The following DMD variants were observed in gnomAD, a reference collection of about 807,000 sequenced individuals.
DMD encodes mutant dystrophin.
Under a neutral mutation model 330.1 loss-of-function variants are expected in DMD, and 63 were observed. The observed-to-expected ratio is 0.19, with a 90% CI of 0.16 to 0.24. The LOEUF is 0.24. DMD is among the 10% of genes least tolerant of loss of function. DMD has a pLI of 1.00. For synonymous variants in DMD, 1,223 were observed against 959.8 expected (o/e 1.27, Z -5.07); for missense variants, 3,344 against 2,684.1 (o/e 1.25, Z -5.43).
intron 13 of DMD, among the ~76,000 whole-genome samples, chrX:32,587,359 A>T (rs928928353): frequency 1.1e-4 from 12 of 112,179 alleles, no homozygotes; most frequent in Non-Finnish European, 2.3e-4. Flanking sequence ...GTCCAAAGAG[A>T]TGTTACCATT....
At chrX:32,218,613 A>C (rs771153734) in intron 43 of DMD, among the ~76,000 whole-genome samples, 35 of 112,379 alleles carry the variant, frequency 3.1e-4, no homozygotes, top group African/African-American at 9.7e-4. Context: ...GGGCAGAGAA[A>C]GGAATTAACA....
At chrX:31,243,016 C>CA (rs1176119825) in intron 63 of DMD, among the ~76,000 whole-genome samples, 1 of 111,617 alleles carries the variant, frequency 9.0e-6, no homozygotes, top group Non-Finnish European at 1.9e-5. Context: ...TGACCAGAGT[C>CA]ACGCCAGCTT....
At chrX:32,383,644 T>C (rs2097939539) in intron 33 of DMD, among the ~76,000 whole-genome samples, 1 of 110,736 alleles carries the variant, frequency 9.0e-6, no homozygotes, top group African/African-American at 3.3e-5. Flanking sequence ...TGTGATACTA[T>C]TAAAGTTAAA....
chrX:32,458,338 T>A (rs2098369310), intron 25 of DMD, among the ~76,000 whole-genome samples: 1 of 111,744 alleles, frequency 8.9e-6, no homozygotes, highest in Admixed American at 9.5e-5. Flanking sequence ...AAGAATTTTC[T>A]TTTTTAAAGC....
At chrX:33,022,813 A>G (rs923019409) in intron 1 of DMD, among the ~76,000 whole-genome samples, 1 of 111,711 alleles carries the variant, frequency 9.0e-6, no homozygotes, top group Non-Finnish European at 1.9e-5. Context: ...ACAGAATACC[A>G]TAAGATAATC....
At chrX:32,463,342 G>T (rs1193009475) in intron 25 of DMD, 97 bp downstream of exon 25, 3 of 842,765 alleles carry the variant, frequency 3.6e-6, no homozygotes, top group Non-Finnish European at 3.2e-6. Context: ...AAAAACATAG[G>T]AACAAAGCCT....
intron 1 of DMD, among the ~76,000 whole-genome samples, chrX:33,252,729 C>T (rs1237882363): frequency 1.8e-5 from 2 of 110,874 alleles, no homozygotes; most frequent in Non-Finnish European, 3.8e-5. Context: ...AATGATATAC[C>T]ATCTGAAATT....
chrX:31,173,050 G>A (rs1237632084), intron 72 of DMD, among the ~76,000 whole-genome samples: 3 of 111,219 alleles, frequency 2.7e-5, no homozygotes, highest in African/African-American at 9.8e-5. Flanking sequence ...TCAGTTTTTA[G>A]GTATAAAAAT....
chrX:32,721,387 A>G (rs1449279930), intron 7 of DMD, among the ~76,000 whole-genome samples: 6 of 110,095 alleles, frequency 5.4e-5, no homozygotes, highest in African/African-American at 2.0e-4. Flanking sequence ...CATCTTTTAG[A>G]TAATACTCAT....
At chrX:32,794,075 A>T (rs2076014407) in intron 7 of DMD, among the ~76,000 whole-genome samples, 1 of 112,195 alleles carries the variant, frequency 8.9e-6, no homozygotes, top group Non-Finnish European at 1.9e-5. Context: ...CATCATACAC[A>T]AATCAATAAA....
intron 43 of DMD, among the ~76,000 whole-genome samples, chrX:32,222,802 T>G (rs2147910285): frequency 8.9e-6 from 1 of 112,268 alleles, no homozygotes; most frequent in African/African-American, 3.2e-5. Flanking sequence ...TTTCAGGACT[T>G]AAAGTATTTA....
intron 50 of DMD, among the ~76,000 whole-genome samples, chrX:31,806,928 C>T (rs2092308580): frequency 8.9e-6 from 1 of 111,997 alleles, no homozygotes; most frequent in Admixed American, 9.5e-5. Context: ...AAGCATACAA[C>T]CCTTTTTTCA....
chrX:32,222,452 A>G (rs2097135000), intron 43 of DMD, among the ~76,000 whole-genome samples: 1 of 112,448 alleles, frequency 8.9e-6, no homozygotes, highest in East Asian at 2.8e-4. Flanking sequence ...TGAAATTGAA[A>G]CAAAAATATA....
intron 41 of DMD, among the ~76,000 whole-genome samples, chrX:32,323,791 G>A (rs957279710): frequency 2.7e-5 from 3 of 111,182 alleles, no homozygotes; most frequent in Non-Finnish European, 5.7e-5. Context: ...AGGGATAAGA[G>A]TAAATAAAAT....
intron 48 of DMD, among the ~76,000 whole-genome samples, chrX:31,874,715 T>C: frequency 9.0e-6 from 1 of 111,153 alleles, no homozygotes; most frequent in Non-Finnish European, 1.9e-5. Context: ...TGCACTCCCC[T>C]GTAAAATCCA....
At chrX:32,774,032 G>A (rs1457308861) in intron 7 of DMD, among the ~76,000 whole-genome samples, 5 of 110,954 alleles carry the variant, frequency 4.5e-5, no homozygotes, top group African/African-American at 1.3e-4. Context: ...TAGGAAAGTC[G>A]GTTTAAGATA....
At chrX:31,312,337 C>A (rs1326490482) in intron 62 of DMD, among the ~76,000 whole-genome samples, 1 of 111,866 alleles carries the variant, frequency 8.9e-6, no homozygotes, top group Admixed American at 9.5e-5. Context: ...ATTTACATGG[C>A]CAACAAACAT....
chrX:32,757,842 C>T (rs539181691), intron 7 of DMD, among the ~76,000 whole-genome samples: 6 of 111,810 alleles, frequency 5.4e-5, no homozygotes, highest in African/African-American at 2.0e-4. Flanking sequence ...GTAGATGCCT[C>T]TTTGTATTTT....
intron 48 of DMD, among the ~76,000 whole-genome samples, chrX:31,840,936 T>C (rs2093307030): frequency 9.0e-6 from 1 of 110,911 alleles, no homozygotes; most frequent in Admixed American, 9.7e-5. Context: ...CTATGGCCTC[T>C]AAATGTTCAA....
Sources: allele counts gnomAD v4.1 joint callset (sites outside exome capture counted in the v4.1 genomes callset), GRCh38; gene constraint gnomAD v4.1.1; transcripts MANE v1.5; gene names NCBI Gene and HGNC (gene_info 2026-07-23, HGNC 2026-07-21).